Variants in TAS2R1 observed in about 807,000 individuals in gnomAD.
TAS2R1 encodes the protein taste receptor type 2 member 1.
For synonymous variants in TAS2R1, 141 were observed against 134.2 expected (o/e 1.05, Z -0.35); for missense variants, 370 against 353.4 (o/e 1.05, Z -0.38).
chr5:9,766,843 T>C, the TAS2R1 span, among the ~76,000 whole-genome samples: 11,616 of 152,190 alleles, frequency 0.076, 474 homozygotes, highest in East Asian at 0.13. Flanking sequence ...GTGACTCAGT[T>C]ATGAACCTGT....
intron 1 of TAS2R1, among the ~76,000 whole-genome samples, chr5:9,674,569 A>C (rs1378756339): frequency 6.6e-6 from 1 of 152,178 alleles, no homozygotes; most frequent in African/African-American, 2.4e-5. Context: ...ATGAGCTGAT[A>C]ATAGTGTATA....
chr5:9,857,929 G>T, the TAS2R1 span, among the ~76,000 whole-genome samples: 2 of 152,190 alleles, frequency 1.3e-5, no homozygotes, highest in Admixed American at 1.3e-4. Flanking sequence ...CAGGTGAGCA[G>T]ACCCTGGTGC....
the TAS2R1 span, among the ~76,000 whole-genome samples, chr5:9,881,380 C>T: frequency 1.7e-4 from 26 of 152,230 alleles, no homozygotes; most frequent in Middle Eastern, 0.014. Flanking sequence ...AATGGAAAAA[C>T]ATTCCATGCT....
chr5:9,850,882 G>T, the TAS2R1 span, among the ~76,000 whole-genome samples: 17,696 of 152,234 alleles, frequency 0.12, 1,141 homozygotes, highest in East Asian at 0.21. Context: ...TTCTAATTTT[G>T]GGATCCATTA....
the TAS2R1 span, among the ~76,000 whole-genome samples, chr5:9,795,191 C>T: frequency 6.6e-6 from 1 of 152,122 alleles, no homozygotes; most frequent in Non-Finnish European, 1.5e-5. Context: ...CTCTAATCAG[C>T]GTTTTCTACA....
chr5:9,891,405 T>C, the TAS2R1 span, among the ~76,000 whole-genome samples: 3 of 152,262 alleles, frequency 2.0e-5, no homozygotes, highest in Non-Finnish European at 4.4e-5. Context: ...CTTTAGTGAA[T>C]TATTAAATAC....
At chr5:9,682,222 G>A (rs544664137) in intron 1 of TAS2R1, among the ~76,000 whole-genome samples, 128 of 152,310 alleles carry the variant, frequency 8.4e-4, no homozygotes, top group Non-Finnish European at 5.4e-4. Context: ...TCAAGGGTCA[G>A]AAAGATGATG....
chr5:9,627,451 T>A lies in TAS2R1; in HGVS notation c.*1682A>T, dbSNP rs1739777100. 6.6e-6 allele frequency among the ~76,000 whole-genome samples: 1 copy of A among 152,160 alleles called. No individual in the cohort carries two copies. The highest frequency in any genetic ancestry group is 1.5e-5 in the Non-Finnish European group (1 of 68,014). Reference sequence around the variant, plus strand: ...ATAGTTATCTAATTAGCTAACGTTATTAAAGCAGGAGTTGCATGAAATAGA... The same window carrying A: ...ATAGTTATCTAATTAGCTAACGTTAATAAAGCAGGAGTTGCATGAAATAGA... On this transcript the variant is annotated 3_prime_UTR_variant, in exon 1 of 1. Coordinates refer to ENST00000382492, the MANE Select transcript of TAS2R1 (RefSeq NM_019599.3).
the TAS2R1 span, among the ~76,000 whole-genome samples, chr5:9,720,699 G>A: frequency 1.3e-5 from 2 of 152,198 alleles, no homozygotes; most frequent in African/African-American, 2.4e-5. Flanking sequence ...GATGAGCTAC[G>A]GAGAGCAGAG....
chr5:9,629,300 CT>C, downstream of TAS2R1: 1 of 1,613,458 alleles, frequency 6.2e-7, no homozygotes, highest in Non-Finnish European at 8.5e-7. Flanking sequence ...GAGAGAAAAA[CT>C]TTTATCATGC....
chr5:9,734,052 G>T, the TAS2R1 span, among the ~76,000 whole-genome samples: 2 of 152,106 alleles, frequency 1.3e-5, no homozygotes, highest in Admixed American at 6.5e-5. Context: ...CCTTTGGGGA[G>T]GTGATTAAGT....
chr5:9,678,778 T>G (rs187959347), intron 1 of TAS2R1, among the ~76,000 whole-genome samples: 28 of 151,868 alleles, frequency 1.8e-4, no homozygotes, highest in Non-Finnish European at 3.7e-4. Flanking sequence ...CTGGAGCCTG[T>G]TGGGGGGTTT....
At chr5:9,881,508 C>G in the TAS2R1 span, among the ~76,000 whole-genome samples, 6 of 152,112 alleles carry the variant, frequency 3.9e-5, no homozygotes, top group Non-Finnish European at 8.8e-5. Flanking sequence ...AAAAAAACTA[C>G]TTAAAAGTTA....
intron 2 of TAS2R1, among the ~76,000 whole-genome samples, chr5:9,659,081 CT>C (rs1308968655): frequency 1.3e-5 from 2 of 152,164 alleles, no homozygotes; most frequent in African/African-American, 4.8e-5. Context: ...ATAAATCTGT[CT>C]GTTATTAATG....
At chr5:9,855,692 T>C in the TAS2R1 span, among the ~76,000 whole-genome samples, 7 of 152,340 alleles carry the variant, frequency 4.6e-5, no homozygotes, top group South Asian at 1.2e-3. Flanking sequence ...CATTTGAGTA[T>C]AGCATGGAAC....
chr5:9,780,776 G>A, the TAS2R1 span, among the ~76,000 whole-genome samples: 1 of 152,184 alleles, frequency 6.6e-6, no homozygotes, highest in Non-Finnish European at 1.5e-5. Flanking sequence ...AGGTATTTTT[G>A]TAAATGTGGT....
chr5:9,889,338 T>A, the TAS2R1 span, among the ~76,000 whole-genome samples: 1 of 152,100 alleles, frequency 6.6e-6, no homozygotes, highest in Non-Finnish European at 1.5e-5. Context: ...GGATGTCTGG[T>A]AGGGAGAAGG....
At chr5:9,779,736 A>C in the TAS2R1 span, among the ~76,000 whole-genome samples, 1 of 152,254 alleles carries the variant, frequency 6.6e-6, no homozygotes, top group Non-Finnish European at 1.5e-5. Context: ...ATAATGAAAA[A>C]GTCTGAAACA....
At chr5:9,711,713 G>T (rs1734668198) in intron 1 of TAS2R1, among the ~76,000 whole-genome samples, 1 of 152,152 alleles carries the variant, frequency 6.6e-6, no homozygotes, top group South Asian at 2.1e-4. Flanking sequence ...TGTGGCCCAG[G>T]CTGGAGCGCA....
Sources: allele counts gnomAD v4.1 joint callset (sites outside exome capture counted in the v4.1 genomes callset), GRCh38; gene constraint gnomAD v4.1.1; transcripts MANE v1.5; gene names NCBI Gene and HGNC (gene_info 2026-07-23, HGNC 2026-07-21).